The following ULK4 variants were observed in gnomAD, a reference collection of about 807,000 sequenced individuals.
ULK4 encodes inactive serine/threonine-protein kinase ULK4.
In ULK4, 133 loss-of-function variants were observed where a neutral mutation model predicts 160.6. That is an observed-to-expected ratio of 0.83 (90% CI 0.72 to 0.96). The LOEUF (loss-of-function observed/expected upper bound fraction) is 0.96, where lower values mean the gene tolerates loss of function less well. Among genes scored for constraint, ULK4 ranks in the 40% least tolerant of loss-of-function variants. ULK4 has a pLI of 0.00. For missense variants in ULK4, 1,580 were observed against 1,499.5 expected (o/e 1.05, Z -0.89); for synonymous variants, 534 against 539.8 (o/e 0.99, Z 0.15).
intron 21 of ULK4, among the ~76,000 whole-genome samples, chr3:41,777,684 A>C (rs868371084): frequency 0.011 from 1,294 of 120,492 alleles, 17 homozygotes; most frequent in African/African-American, 0.042. Flanking sequence ...TTATGTACCC[A>C]GTAGTCATTC....
intron 19 of ULK4, among the ~76,000 whole-genome samples, chr3:41,807,565 G>A (rs1434482026): frequency 6.6e-6 from 1 of 152,118 alleles, no homozygotes; most frequent in Non-Finnish European, 1.5e-5. Flanking sequence ...ACAAAATGAA[G>A]ATTAACAAAA....
intron 32 of ULK4, among the ~76,000 whole-genome samples, chr3:41,489,107 T>C (rs2084653613): frequency 6.6e-6 from 1 of 152,114 alleles, no homozygotes; most frequent in Non-Finnish European, 1.5e-5. Flanking sequence ...TTCATCTGTC[T>C]TTTCTCAAAT....
chr3:41,684,377 G>T (rs559818331), intron 27 of ULK4, among the ~76,000 whole-genome samples: 1 of 152,198 alleles, frequency 6.6e-6, no homozygotes, highest in East Asian at 1.9e-4. Context: ...AGTTACAAAC[G>T]TTGCTGCAGG....
chr3:41,395,367 T>C (rs1224728949), intron 35 of ULK4, among the ~76,000 whole-genome samples: 1 of 151,840 alleles, frequency 6.6e-6, no homozygotes, highest in African/African-American at 2.4e-5. Context: ...ACAGAAAAGG[T>C]GGAACAACAC....
chr3:41,770,209 C>A (rs891118318), intron 21 of ULK4, among the ~76,000 whole-genome samples: 1 of 152,156 alleles, frequency 6.6e-6, no homozygotes, highest in Non-Finnish European at 1.5e-5. Context: ...CCAAATTTAT[C>A]AAAATTTTAC....
intron 32 of ULK4, among the ~76,000 whole-genome samples, chr3:41,550,702 T>C (rs2087030762): frequency 6.6e-6 from 1 of 151,930 alleles, no homozygotes; most frequent in East Asian, 1.9e-4. Context: ...GATTTTGACA[T>C]AACACTCTTA....
At chr3:41,789,206 G>C (rs2040080141) in intron 21 of ULK4, among the ~76,000 whole-genome samples, 1 of 152,304 alleles carries the variant, frequency 6.6e-6, no homozygotes, top group Non-Finnish European at 1.5e-5. Context: ...TAAAGGACTA[G>C]AAGAGGATAG....
chr3:41,444,560 T>C (rs1575227531), intron 34 of ULK4, among the ~76,000 whole-genome samples: 1 of 152,336 alleles, frequency 6.6e-6, no homozygotes. Context: ...CTGGTTCTAA[T>C]ATCTAACCTT....
At chr3:41,586,115 G>A (rs2030779734) in intron 31 of ULK4, among the ~76,000 whole-genome samples, 1 of 152,114 alleles carries the variant, frequency 6.6e-6, no homozygotes, top group African/African-American at 2.4e-5. Context: ...TTAAAGTAAA[G>A]TTTTCATTTG....
At chr3:41,701,985 G>C (rs1425224960) in intron 27 of ULK4, among the ~76,000 whole-genome samples, 3 of 152,044 alleles carry the variant, frequency 2.0e-5, no homozygotes, top group Non-Finnish European at 2.9e-5. Flanking sequence ...AAACAAGAAA[G>C]TGGAAGTAGG....
At chr3:41,649,248 T>A (rs569196849) in intron 30 of ULK4, among the ~76,000 whole-genome samples, 2 of 152,278 alleles carry the variant, frequency 1.3e-5, no homozygotes, top group Admixed American at 6.5e-5. Context: ...GCGGCCCATT[T>A]GGAGCGGCCT....
At chr3:41,318,304 TTTTAAC>T (rs1168102506) in intron 35 of ULK4, among the ~76,000 whole-genome samples, 2 of 152,188 alleles carry the variant, frequency 1.3e-5, no homozygotes, top group South Asian at 2.1e-4. Context: ...AAGTTTGGTA[TTTTAAC>T]TTTAAGAAGT....
intron 6 of ULK4, among the ~76,000 whole-genome samples, chr3:41,919,154 A>G (rs984492456): frequency 6.6e-6 from 1 of 152,184 alleles, no homozygotes; most frequent in Non-Finnish European, 1.5e-5. Flanking sequence ...CTTTACAAAA[A>G]TTTCTAATAA....
Position 41,952,160 on chromosome 3 carries a change from G to C in ULK4, c.138+2462C>G, listed in dbSNP as rs181890684. On this transcript the variant is annotated intron_variant, in intron 2 of 36. Coordinates refer to ENST00000301831, the MANE Select transcript of ULK4 (RefSeq NM_017886.4). The stretch of plus-strand genomic sequence containing the variant: ...TTGGCAATGATTTTTGGATATTTGC[G>C]TAAGACACCAAAGACACAGATAACA... Among the ~76,000 whole-genome samples, 20 of 152,012 alleles carry C rather than the reference G, an allele frequency of 1.3e-4. No individual in the cohort carries two copies. In the East Asian group the frequency reaches 3.3e-3, roughly 25 times the overall value.
chr3:41,511,406 A>G (rs990099529), intron 32 of ULK4, among the ~76,000 whole-genome samples: 1 of 152,140 alleles, frequency 6.6e-6, no homozygotes, highest in Middle Eastern at 3.2e-3. Flanking sequence ...ATTAACCAAG[A>G]AAAGAAGAGA....
chr3:41,540,270 T>C (rs2086650236), intron 32 of ULK4, among the ~76,000 whole-genome samples: 1 of 137,014 alleles, frequency 7.3e-6, no homozygotes, highest in East Asian at 2.1e-4. Flanking sequence ...CTCCCATTTA[T>C]GAGTGAGAAC....
chr3:41,470,497 C>G (rs2083961375), intron 32 of ULK4, among the ~76,000 whole-genome samples: 1 of 152,030 alleles, frequency 6.6e-6, no homozygotes, highest in Non-Finnish European at 1.5e-5. Context: ...AACAAAAAAC[C>G]ACTAATAACA....
At chr3:41,305,189 T>C (rs1290247117) in intron 35 of ULK4, among the ~76,000 whole-genome samples, 1 of 95,898 alleles carries the variant, frequency 1.0e-5, no homozygotes, top group Non-Finnish European at 2.2e-5. Context: ...AATAGGGCTC[T>C]CCCTCTCCCT....
intron 34 of ULK4, among the ~76,000 whole-genome samples, chr3:41,429,946 T>C (rs1020424746): frequency 1.3e-5 from 2 of 152,194 alleles, no homozygotes; most frequent in African/African-American, 4.8e-5. Context: ...TACAGAATTA[T>C]ATGGCCTAGA....
Sources: gnomAD v4.1 joint callset for allele counts (sites outside exome capture counted in the v4.1 genomes callset) on GRCh38, gnomAD v4.1.1 for gene constraint, MANE v1.5 for transcripts, NCBI Gene and HGNC (gene_info 2026-07-23, HGNC 2026-07-21) for gene names.